ATRNL1: variants seen among roughly 807,000 people sequenced by gnomAD.
The protein encoded by ATRNL1 is attractin-like protein 1.
A neutral mutation model predicts 182.7 loss-of-function variants in ATRNL1; 95 were observed. The observed-to-expected ratio is 0.52, with a 90% CI of 0.44 to 0.62. The LOEUF is 0.62. ATRNL1 is among the 20% of genes least tolerant of loss of function. ATRNL1 has a pLI of 0.00. For missense variants in ATRNL1, 1,471 were observed against 1,679.5 expected, an observed-to-expected ratio of 0.88 and a Z score of 2.17; for synonymous variants, 576 against 568.3, an observed-to-expected ratio of 1.01 and a Z score of -0.19.
intron 10 of ATRNL1, among the ~76,000 whole-genome samples, chr10:115,259,027 C>T (rs115744217): frequency 0.04 from 6,084 of 152,192 alleles, 413 homozygotes; most frequent in African/African-American, 0.14. Flanking sequence ...TATGAGGTGT[C>T]GGTCAGCCCC....
At chr10:115,218,958 C>T (rs782254687) in intron 9 of ATRNL1, among the ~76,000 whole-genome samples, 21 of 152,216 alleles carry the variant, frequency 1.4e-4, no homozygotes, top group Middle Eastern at 3.4e-3. Flanking sequence ...GACATGCGGC[C>T]GGGTACAGTG....
chr10:115,306,121 C>CT (rs1432229311), intron 17 of ATRNL1, among the ~76,000 whole-genome samples: 2 of 151,976 alleles, frequency 1.3e-5, no homozygotes, highest in Admixed American at 1.3e-4. Flanking sequence ...ATTTGTTCTA[C>CT]TTTTTTGTTT....
At chr10:115,657,438 C>T (rs1555036315) in intron 26 of ATRNL1, among the ~76,000 whole-genome samples, 1 of 152,136 alleles carries the variant, frequency 6.6e-6, no homozygotes. Flanking sequence ...GGGAAGTCTT[C>T]TCTTAAAATG....
At chr10:115,272,048 A>T (rs567585529) in intron 13 of ATRNL1, among the ~76,000 whole-genome samples, 7 of 152,272 alleles carry the variant, frequency 4.6e-5, no homozygotes, top group African/African-American at 1.7e-4. Context: ...TCTTGCTCCT[A>T]TTCTGCCATG....
chr10:115,208,173 ATTAG>A (rs1554894235), intron 8 of ATRNL1, among the ~76,000 whole-genome samples: 1 of 151,992 alleles, frequency 6.6e-6, no homozygotes, highest in Non-Finnish European at 1.5e-5. Context: ...TAGGCATTCT[ATTAG>A]TTTCTAAAAT....
At chr10:115,112,521 G>C (rs1844302754) in intron 1 of ATRNL1, among the ~76,000 whole-genome samples, 1 of 152,158 alleles carries the variant, frequency 6.6e-6, no homozygotes, top group African/African-American at 2.4e-5. Flanking sequence ...TAAGACATTG[G>C]TTTGAAAAGG....
intron 17 of ATRNL1, among the ~76,000 whole-genome samples, chr10:115,313,239 C>A (rs1187773106): frequency 1.3e-5 from 2 of 151,798 alleles, no homozygotes; most frequent in Non-Finnish European, 2.9e-5. Context: ...TTTTCTGGTT[C>A]CTTCTTATTT....
intron 8 of ATRNL1, among the ~76,000 whole-genome samples, chr10:115,185,961 T>C (rs541289192): frequency 1.3e-5 from 2 of 152,178 alleles, no homozygotes; most frequent in South Asian, 2.1e-4. Flanking sequence ...TTGTGGACTA[T>C]ACAGTCTCTG....
intron 21 of ATRNL1, among the ~76,000 whole-genome samples, chr10:115,428,878 T>C (rs539506284): frequency 6.6e-6 from 1 of 152,256 alleles, no homozygotes; most frequent in Non-Finnish European, 1.5e-5. Context: ...TATAGTTTGG[T>C]TGTATGATAA....
intron 24 of ATRNL1, among the ~76,000 whole-genome samples, chr10:115,505,955 G>GA (rs1242111642): frequency 1.9e-3 from 263 of 136,372 alleles, no homozygotes; most frequent in African/African-American, 3.9e-3. Context: ...CCTGGTGGAA[G>GA]AAAAAAAAAA....
intron 24 of ATRNL1, among the ~76,000 whole-genome samples, chr10:115,474,123 C>A (rs151052693): frequency 6.6e-6 from 1 of 151,400 alleles, no homozygotes; most frequent in Admixed American, 6.6e-5. Flanking sequence ...TTTAACAATT[C>A]TATTGCCATT....
At chr10:115,292,251 T>C (rs1439363820) in intron 15 of ATRNL1, among the ~76,000 whole-genome samples, 1 of 151,980 alleles carries the variant, frequency 6.6e-6, no homozygotes, top group Non-Finnish European at 1.5e-5. Flanking sequence ...CTCTTTCTTG[T>C]TTGGTCTAGC....
intron 26 of ATRNL1, among the ~76,000 whole-genome samples, chr10:115,625,114 T>C (rs782303334): frequency 2.0e-5 from 3 of 152,202 alleles, no homozygotes; most frequent in Non-Finnish European, 4.4e-5. Flanking sequence ...AAATAAGATA[T>C]TGGGTTTTAT....
intron 9 of ATRNL1, among the ~76,000 whole-genome samples, chr10:115,218,000 A>G (rs1026684250): frequency 8.5e-5 from 13 of 152,054 alleles, no homozygotes; most frequent in Middle Eastern, 3.4e-3. Context: ...TTTTGTGGAG[A>G]CAGTTTTTCC....
chr10:115,093,562 G>A lies in ATRNL1; in HGVS notation c.-189G>A. 1 of 711,586 alleles carries A rather than the reference G, an allele frequency of 1.4e-6. No individual in the cohort carries two copies. The highest frequency in any genetic ancestry group is 2.5e-6 in the Non-Finnish European group (1 of 402,210). The allele number at this position is 711,586 out of a possible 1,614,324, so 44.1% of individuals were successfully genotyped here. A position where few individuals can be genotyped will look rare whatever the true frequency, so the allele number is the denominator to read the frequency against. On this transcript the variant is annotated 5_prime_UTR_variant, in exon 1 of 29. The change creates a premature stop within an existing upstream ORF in the 5' untranslated region. Coordinates refer to ENST00000355044, the MANE Select transcript of ATRNL1 (RefSeq NM_207303.4). This position sits in a 1 kb window ranked among gnomAD's most constrained non-coding sequence, Gnocchi z 6.1. ...GGGTGGCGATGCCCGAGTGCGACTG[G>A]AGGCAGCCGAGCGGAGGCGACGGCG... is the stretch of plus-strand genomic sequence containing the variant.
At chr10:115,490,850 C>T (rs1020323979) in intron 24 of ATRNL1, among the ~76,000 whole-genome samples, 4 of 152,124 alleles carry the variant, frequency 2.6e-5, no homozygotes, top group Non-Finnish European at 4.4e-5. Flanking sequence ...GCTGGTTTCT[C>T]CCCATCTTCG....
intron 24 of ATRNL1, among the ~76,000 whole-genome samples, chr10:115,492,283 T>C (rs527669674): frequency 6.6e-6 from 1 of 152,298 alleles, no homozygotes; most frequent in African/African-American, 2.4e-5. Flanking sequence ...TTCTATTAAC[T>C]TGTATTGTTT....
chr10:115,818,674 G>C (rs1157785637), intron 27 of ATRNL1, among the ~76,000 whole-genome samples: 5 of 151,970 alleles, frequency 3.3e-5, no homozygotes, highest in Non-Finnish European at 7.4e-5. Flanking sequence ...TTTCCTTCTA[G>C]TCACTTAGAT....
chr10:115,492,596 T>A (rs554240717), intron 24 of ATRNL1, among the ~76,000 whole-genome samples: 19 of 147,108 alleles, frequency 1.3e-4, no homozygotes, highest in Admixed American at 2.7e-4. Context: ...TTATATATTA[T>A]ATATATTATA....
Sources: allele counts gnomAD v4.1 joint callset (sites outside exome capture counted in the v4.1 genomes callset), GRCh38; gene constraint gnomAD v4.1.1; non-coding constraint Gnocchi (gnomAD v3.1); transcripts MANE v1.5; gene names NCBI Gene and HGNC (gene_info 2026-07-23, HGNC 2026-07-21).